The following IMMP2L variants were observed in gnomAD, a reference collection of about 807,000 sequenced individuals.
The protein encoded by IMMP2L is mitochondrial inner membrane protease subunit 2.
Under a neutral mutation model 19.3 loss-of-function variants are expected in IMMP2L, and 18 were observed. That is an observed-to-expected ratio of 0.93 (90% CI 0.64 to 1.38). The LOEUF is 1.38. IMMP2L is among the 40% of genes most tolerant of loss of function. The pLI is 0.00. For synonymous variants in IMMP2L, 76 were observed against 73.0 expected (o/e 1.04, Z -0.21); for missense variants, 233 against 218.2 (o/e 1.07, Z -0.43).
At chr7:110,731,650 C>G (rs1228433529) in intron 5 of IMMP2L, among the ~76,000 whole-genome samples, 1 of 152,050 alleles carries the variant, frequency 6.6e-6, no homozygotes, top group Non-Finnish European at 1.5e-5. Context: ...GGCAAACATA[C>G]TAATACAACC....
intron 5 of IMMP2L, among the ~76,000 whole-genome samples, chr7:110,790,271 G>A (rs1439959141): frequency 2.0e-5 from 3 of 151,734 alleles, no homozygotes; most frequent in Admixed American, 2.0e-4. Context: ...ATGTGACAAG[G>A]TCACAGAGGT....
chr7:111,125,950 G>A (rs1393510547), intron 3 of IMMP2L, among the ~76,000 whole-genome samples: 1 of 151,414 alleles, frequency 6.6e-6, no homozygotes, highest in Non-Finnish European at 1.5e-5. Flanking sequence ...AACCTCCAGA[G>A]TAGCTGGGAT....
chr7:110,935,379 T>C (rs1255725357), intron 4 of IMMP2L, among the ~76,000 whole-genome samples: 1 of 152,152 alleles, frequency 6.6e-6, no homozygotes, highest in Non-Finnish European at 1.5e-5. Context: ...ATTAGTCTGA[T>C]GGGCTTCCCT....
At chr7:111,005,128 T>C (rs1824153908) in intron 3 of IMMP2L, among the ~76,000 whole-genome samples, 1 of 152,130 alleles carries the variant, frequency 6.6e-6, no homozygotes, top group South Asian at 2.1e-4. Context: ...TATATTCCTA[T>C]TTTGGAGGCC....
At chr7:111,386,119 C>T (rs1831729687) in intron 3 of IMMP2L, among the ~76,000 whole-genome samples, 1 of 151,864 alleles carries the variant, frequency 6.6e-6, no homozygotes, top group African/African-American at 2.4e-5. Flanking sequence ...CTCAGACAAA[C>T]CTCCCACCAC....
Position 110,861,276 on chromosome 7 carries a change from G to A in IMMP2L, c.408+25317C>T, listed in dbSNP as rs562190434. 1.3e-4 allele frequency among the ~76,000 whole-genome samples: 19 copies of A among 151,902 alleles called. No homozygotes were observed. In the South Asian group the frequency reaches 3.5e-3, roughly 28 times the overall value. ...CATTAATATAATGCTTTTTGGTGAC[G>A]ACAAACTTTTTTTTTTGGAGACAGG... On this transcript the variant is annotated intron_variant, in intron 5 of 5. Coordinates refer to ENST00000405709, the MANE Select transcript of IMMP2L (RefSeq NM_032549.4).
intron 5 of IMMP2L, among the ~76,000 whole-genome samples, chr7:110,767,616 C>T (rs190445717): frequency 7.9e-5 from 12 of 152,240 alleles, no homozygotes; most frequent in Non-Finnish European, 1.8e-4. Context: ...TATCTTATGC[C>T]TATCAATTAA....
chr7:111,334,438 A>T (rs1317877646), intron 3 of IMMP2L, among the ~76,000 whole-genome samples: 1 of 152,102 alleles, frequency 6.6e-6, no homozygotes, highest in African/African-American at 2.4e-5. Flanking sequence ...GGGTATATAT[A>T]CCACATTTTC....
At chr7:111,239,496 A>G in intron 3 of IMMP2L, among the ~76,000 whole-genome samples, 1 of 151,994 alleles carries the variant, frequency 6.6e-6, no homozygotes, top group East Asian at 1.9e-4. Context: ...TATCATATTT[A>G]CCAAAATTTG....
At chr7:111,560,431 T>TAC (rs1348974130) in intron 1 of IMMP2L, among the ~76,000 whole-genome samples, 1 of 152,132 alleles carries the variant, frequency 6.6e-6, no homozygotes, top group East Asian at 1.9e-4. Flanking sequence ...ATGGAACAAC[T>TAC]ACAAAAGTTA....
chr7:110,818,402 A>C (rs1802727769), intron 5 of IMMP2L, among the ~76,000 whole-genome samples: 1 of 152,158 alleles, frequency 6.6e-6, no homozygotes, highest in Admixed American at 6.5e-5. Flanking sequence ...TGCAAATCAA[A>C]ACCACAATGA....
At chr7:111,380,658 T>C (rs1831111513) in intron 3 of IMMP2L, among the ~76,000 whole-genome samples, 1 of 152,044 alleles carries the variant, frequency 6.6e-6, no homozygotes. Flanking sequence ...TGGACCAATT[T>C]AGCTTGTCCA....
intron 3 of IMMP2L, among the ~76,000 whole-genome samples, chr7:111,034,756 G>A (rs952018495): frequency 6.6e-6 from 1 of 152,062 alleles, no homozygotes; most frequent in Non-Finnish European, 1.5e-5. Context: ...TACCTTAGCA[G>A]CAAAAACTTA....
In IMMP2L at chr7:111,031,425, T is replaced by A. The variant is rs546837668; in HGVS notation, c.240-67860A>T. Among the ~76,000 whole-genome samples the A allele has an allele frequency of 7.7e-5, 7 of 90,994 alleles. No individual in the cohort carries two copies. In the East Asian group the frequency reaches 1.6e-3, roughly 21 times the overall value. The allele number at this position is 90,994 out of a possible 152,430, so 59.7% of individuals were successfully genotyped here. ...GTGTGTGTGAGAGAAAGAGAAATCC[T>A]ATATTGATGTGGATATGTCAAAGGG... On this transcript the variant is annotated intron_variant, in intron 3 of 5. Transcript: ENST00000405709.
intron 3 of IMMP2L, among the ~76,000 whole-genome samples, chr7:111,344,099 C>T (rs1335671990): frequency 1.3e-5 from 2 of 152,028 alleles, no homozygotes; most frequent in Non-Finnish European, 2.9e-5. Context: ...CTTGCCCCAT[C>T]CAATTTATTT....
chr7:110,764,848 T>C (rs954692161), intron 5 of IMMP2L, among the ~76,000 whole-genome samples: 7 of 152,122 alleles, frequency 4.6e-5, no homozygotes. Flanking sequence ...AATGCTACTA[T>C]TATTCTTTTA....
At position 111,123,423 on chromosome 7, in the gene IMMP2L, G is replaced by A. The variant is rs267601235; in HGVS notation, c.240-159858C>T. 4 of 1,613,488 alleles carry A rather than the reference G, an allele frequency of 2.5e-6. No homozygotes were observed. The highest frequency in any genetic ancestry group is 2.2e-5 in the East Asian group (1 of 44,840). ...AGCCTCTTATCAATCTTCGCAGCCT[G>A]GTTATAGCTGGTATAAACCTCACAG... On this transcript the variant is annotated intron_variant, in intron 3 of 5. Transcript: ENST00000405709. The surrounding 1 kb of genome is among the most constrained non-coding windows in gnomAD (Gnocchi z 6.4).
chr7:111,083,191 G>T (rs1164927808), intron 3 of IMMP2L, among the ~76,000 whole-genome samples: 1 of 152,080 alleles, frequency 6.6e-6, no homozygotes, highest in Non-Finnish European at 1.5e-5. Context: ...AAAAGAGCTG[G>T]ATAATACAAT....
intron 3 of IMMP2L, among the ~76,000 whole-genome samples, chr7:111,074,870 G>C (rs778598733): frequency 7.2e-5 from 11 of 152,122 alleles, no homozygotes; most frequent in Non-Finnish European, 1.6e-4. Context: ...AATATCAAGA[G>C]AAAATCTATT....
Sources: gnomAD v4.1 joint callset for allele counts (sites outside exome capture counted in the v4.1 genomes callset) on GRCh38, gnomAD v4.1.1 for gene constraint, Gnocchi (gnomAD v3.1) non-coding constraint, MANE v1.5 for transcripts, NCBI Gene and HGNC (gene_info 2026-07-23, HGNC 2026-07-21) for gene names.